ELF2: variants seen among roughly 807,000 people sequenced by gnomAD.
ELF2 encodes E74 like ETS transcription factor 2, also known as ETS-related transcription factor Elf-2.
In ELF2, 11 loss-of-function variants were observed where a neutral mutation model predicts 54.8. The observed-to-expected ratio is 0.20, with a 90% CI of 0.13 to 0.33. The LOEUF is 0.33. ELF2 is among the 10% of genes least tolerant of loss of function. The probability of loss-of-function intolerance (pLI) is 1.00; values close to 1 mark genes in which losing one functional copy is unlikely to be tolerated. For missense variants in ELF2, 513 were observed against 703.0 expected (o/e 0.73, Z 3.06); for synonymous variants, 203 against 245.1 (o/e 0.83, Z 1.61).
Position 139,058,861 on chromosome 4 carries a change from G to A in ELF2, c.*122C>T. The A allele has an allele frequency of 7.4e-7, 1 of 1,351,602 alleles. No homozygotes were observed. The highest frequency in any genetic ancestry group is 9.9e-7 in the Non-Finnish European group (1 of 1,005,888). 83.7% of individuals were successfully genotyped at this position (1,351,602 alleles called of 1,614,324 possible). ...TAATTTATTTCCAGTAAGTCTGATTGTTTTTGTATATGCATTAAAAATGTT... is the reference window on the plus strand; with the variant it reads ...TAATTTATTTCCAGTAAGTCTGATTATTTTTGTATATGCATTAAAAATGTT... On this transcript the variant is annotated 3_prime_UTR_variant, in exon 10 of 10. Transcript: ENST00000686138.
chr4:139,167,296 G>A (rs1343619774), intron 1 of ELF2, among the ~76,000 whole-genome samples: 1 of 152,186 alleles, frequency 6.6e-6, no homozygotes, highest in African/African-American at 2.4e-5. Flanking sequence ...TTCCTACAGT[G>A]AGAGAATATA....
chr4:139,123,058 C>T (rs1260107460), intron 4 of ELF2, among the ~76,000 whole-genome samples: 2 of 151,574 alleles, frequency 1.3e-5, no homozygotes, highest in Non-Finnish European at 2.9e-5. Flanking sequence ...GTGGTGTGCA[C>T]CTGTAGTCCC....
At chr4:139,093,870 A>T (rs982997430) in intron 4 of ELF2, among the ~76,000 whole-genome samples, 8 of 150,630 alleles carry the variant, frequency 5.3e-5, no homozygotes, top group Admixed American at 2.0e-4. Context: ...TCACTTTCAC[A>T]TAATACTGGA....
intron 1 of ELF2, among the ~76,000 whole-genome samples, chr4:139,143,816 T>C (rs79496427): frequency 0.15 from 22,502 of 151,570 alleles, 2,039 homozygotes; most frequent in Middle Eastern, 0.27. Context: ...ACTAGAACAT[T>C]CAAAAACTAT....
intron 1 of ELF2, among the ~76,000 whole-genome samples, chr4:139,167,672 A>G (rs961919039): frequency 6.6e-6 from 1 of 152,168 alleles, no homozygotes; most frequent in Non-Finnish European, 1.5e-5. Context: ...ACTTTCTTCC[A>G]CAGAATTATT....
intron 1 of ELF2, among the ~76,000 whole-genome samples, chr4:139,140,008 C>A (rs1389420742): frequency 1.3e-5 from 2 of 152,236 alleles, no homozygotes; most frequent in African/African-American, 4.8e-5. Flanking sequence ...CGGCTCACTG[C>A]AGCCTCAAAT....
At chr4:139,096,143 CAT>C (rs1341061077) in intron 4 of ELF2, among the ~76,000 whole-genome samples, 3 of 151,842 alleles carry the variant, frequency 2.0e-5, no homozygotes, top group Non-Finnish European at 2.9e-5. Context: ...TAGCTATGCG[CAT>C]ATATGAGTTT....
chr4:139,060,814 C>T (rs1727725770), intron 8 of ELF2, 140 bp from the exon 9 acceptor site: 1 of 729,544 alleles, frequency 1.4e-6, no homozygotes, highest in Non-Finnish European at 2.2e-6. Flanking sequence ...AAAACAAACT[C>T]TTACTGCCTA....
chr4:139,092,223 G>A (rs1163709546), intron 4 of ELF2, among the ~76,000 whole-genome samples: 2 of 151,216 alleles, frequency 1.3e-5, no homozygotes, highest in Non-Finnish European at 2.9e-5. Flanking sequence ...TTAGCTGGGC[G>A]TGGTGGCAGG....
intron 6 of ELF2, among the ~76,000 whole-genome samples, chr4:139,070,611 C>T (rs1729379684): frequency 6.6e-6 from 1 of 152,130 alleles, no homozygotes; most frequent in African/African-American, 2.4e-5. Context: ...ACAAACATTT[C>T]CTAAGTATTT....
rs372715360 is a variant in ELF2 at position 139,066,009 on chromosome 4, C to CTTTTTT, written c.613+1669_613+1674dup. ...AGTTCCTGAATGTGTTCAATGTCACCTTTTTTTTTTTTTTTTTTTTTTTTG... is the reference window on the plus strand; with the variant it reads ...AGTTCCTGAATGTGTTCAATGTCACCTTTTTTTTTTTTTTTTTTTTTTTTTTTTTTG... On this transcript the variant is annotated intron_variant, in intron 7 of 9. Transcript: ENST00000686138. 2.0e-4 allele frequency: 21 copies of CTTTTTT among 105,674 alleles called. 1 individual carries two copies. Among genetic ancestry groups the CTTTTTT allele is most frequent in the African/African-American group, 5.8e-4 (16 of 27,574 alleles). The allele number at this position is 105,674 out of a possible 1,614,324, so 6.5% of individuals were successfully genotyped here.
intron 1 of ELF2, among the ~76,000 whole-genome samples, chr4:139,164,024 G>A (rs1485236671): frequency 1.3e-5 from 2 of 149,694 alleles, no homozygotes; most frequent in African/African-American, 4.9e-5. Flanking sequence ...AAGAGAAAGA[G>A]AAAGAGAAGG....
chr4:139,119,041 A>G (rs3762864), intron 4 of ELF2, among the ~76,000 whole-genome samples: 62,914 of 152,030 alleles, frequency 0.41, 13,516 homozygotes, highest in Middle Eastern at 0.5. Flanking sequence ...AAACAAAACA[A>G]AACTCAGAAA....
At chr4:139,150,644 A>C (rs1375953144) in intron 1 of ELF2, among the ~76,000 whole-genome samples, 2 of 151,926 alleles carry the variant, frequency 1.3e-5, no homozygotes, top group African/African-American at 2.4e-5. Context: ...ACTCAAATAT[A>C]CCAATGGAAC....
rs556420698 is a variant in ELF2, at chr4:139,109,880, G to A, written c.238+15284C>T. ...AGGATATTTTTAAAACTTCCCACGTGTACTGTGTTCACTATCTGGGTGATG... is the reference window on the plus strand; with the variant it reads ...AGGATATTTTTAAAACTTCCCACGTATACTGTGTTCACTATCTGGGTGATG... On this transcript the variant is annotated intron_variant, in intron 4 of 9. Coordinates refer to ENST00000686138, the MANE Select transcript of ELF2 (RefSeq NM_001331036.3). Among the ~76,000 whole-genome samples, 6 of 152,264 alleles carry A rather than the reference G, an allele frequency of 3.9e-5. No individual in the cohort carries two copies. The East Asian group carries it at 9.6e-4, about 24-fold the overall frequency.
intron 3 of ELF2, among the ~76,000 whole-genome samples, chr4:139,133,637 T>C (rs1236325586): frequency 1.5e-4 from 14 of 92,106 alleles, no homozygotes; most frequent in African/African-American, 4.9e-4. Context: ...TTTCCCTACC[T>C]TTTTTTTTTT....
intron 9 of ELF2, 100 bp from the exon 10 acceptor site, chr4:139,059,707 T>C (rs1727540197): frequency 1.4e-6 from 2 of 1,408,402 alleles, no homozygotes; most frequent in East Asian, 2.3e-5. Flanking sequence ...TGTGTAAAAT[T>C]AGTGCTCCCA....
chr4:139,170,992 C>G (rs891933096), intron 1 of ELF2, among the ~76,000 whole-genome samples: 2 of 151,926 alleles, frequency 1.3e-5, no homozygotes, highest in Non-Finnish European at 2.9e-5. Flanking sequence ...GTGATCCACC[C>G]ACCTCAGCCT....
rs578072517 is a variant in ELF2, at chr4:139,163,173, A to T, written c.-252+13794T>A. Among the ~76,000 whole-genome samples the T allele has an allele frequency of 2.9e-4, 44 of 152,324 alleles. No individual in the cohort carries two copies. The South Asian group carries it at 8.9e-3, about 31-fold the overall frequency. On this transcript the variant is annotated intron_variant, in intron 1 of 9. Transcript: ENST00000686138. The stretch of plus-strand genomic sequence containing the variant: ...GCTTCCTAGGTTTTCATTAAAAATC[A>T]AGATTACTAAGTTAGAAATTCTAAC...
Sources: allele counts gnomAD v4.1 joint callset (sites outside exome capture counted in the v4.1 genomes callset), GRCh38; gene constraint gnomAD v4.1.1; transcripts MANE v1.5; gene names NCBI Gene and HGNC (gene_info 2026-07-23, HGNC 2026-07-21).